VEPH1: variants seen among roughly 807,000 people sequenced by gnomAD.
VEPH1 encodes ventricular zone expressed PH domain containing 1, also known as ventricular zone-expressed PH domain-containing protein homolog 1.
Under a neutral mutation model 85.2 loss-of-function variants are expected in VEPH1, and 80 were observed. The observed-to-expected ratio is 0.94, with a 90% CI of 0.78 to 1.13. The LOEUF (loss-of-function observed/expected upper bound fraction) is 1.13, where lower values mean the gene tolerates loss of function less well. Ranked by LOEUF, VEPH1 falls within the 50% of genes most tolerant of loss-of-function variation. VEPH1 has a pLI of 0.00. For synonymous variants in VEPH1, 297 were observed against 348.0 expected, an observed-to-expected ratio of 0.85 and a Z score of 1.63; for missense variants, 955 against 980.5, an observed-to-expected ratio of 0.97 and a Z score of 0.35.
chr3:157,303,728 G>A (rs974165989), intron 11 of VEPH1, among the ~76,000 whole-genome samples: 2 of 151,890 alleles, frequency 1.3e-5, no homozygotes, highest in African/African-American at 4.8e-5. Flanking sequence ...TTAGCCCCTT[G>A]GTCTGGCTTC....
At chr3:157,290,570 C>T (rs1237130745) in intron 11 of VEPH1, among the ~76,000 whole-genome samples, 10 of 152,158 alleles carry the variant, frequency 6.6e-5, no homozygotes, top group Non-Finnish European at 1.5e-4. Flanking sequence ...AGAGGAGTCA[C>T]ATTCTCCCAA....
chr3:157,371,438 A>G (rs979205820), intron 7 of VEPH1, among the ~76,000 whole-genome samples: 2 of 152,194 alleles, frequency 1.3e-5, no homozygotes, highest in African/African-American at 4.8e-5. Flanking sequence ...AAGACACGGA[A>G]AAGGGATCAG....
At chr3:157,371,712 T>A (rs1426868811) in intron 7 of VEPH1, among the ~76,000 whole-genome samples, 5 of 152,200 alleles carry the variant, frequency 3.3e-5, no homozygotes, top group Non-Finnish European at 7.4e-5. Context: ...CTGCTGAGGG[T>A]TTCACTAATT....
chr3:157,419,819 T>G (rs1271130314), intron 5 of VEPH1, among the ~76,000 whole-genome samples: 1 of 152,210 alleles, frequency 6.6e-6, no homozygotes, highest in Admixed American at 6.5e-5. Context: ...ATCTCATTAG[T>G]GGGTATATAC....
chr3:157,437,665 C>G (rs772664941), intron 4 of VEPH1: 2 of 1,540,388 alleles, frequency 1.3e-6, no homozygotes, highest in African/African-American at 2.7e-5. Flanking sequence ...GCTGGGCCGG[C>G]TCGCGGAAAG....
chr3:157,382,764 G>C (rs1361921356), intron 6 of VEPH1, among the ~76,000 whole-genome samples: 35 of 152,172 alleles, frequency 2.3e-4, no homozygotes. Context: ...CTTCCATGCA[G>C]CTGTCTCCAG....
In VEPH1 at chr3:157,490,423, G is replaced by GA. The variant is rs140223345; in HGVS notation, c.138+4788dup. ...GATTTTAAGACTACAAAAGAAAAAA[G>GA]AAAAAAAAAACATAAACAGATACTT... On this transcript the variant is annotated intron_variant, in intron 2 of 13. Transcript: ENST00000362010. 8.1e-3 allele frequency among the ~76,000 whole-genome samples: 1,162 copies of GA among 144,086 alleles called. 15 individuals carry two copies. The highest frequency in any genetic ancestry group is 0.026 in the African/African-American group (1,035 of 39,366). 94.5% of individuals were successfully genotyped at this position (144,086 alleles called of 152,430 possible).
At chr3:157,310,239 C>A (rs536703506) in intron 11 of VEPH1, among the ~76,000 whole-genome samples, 87 of 152,260 alleles carry the variant, frequency 5.7e-4, no homozygotes, top group African/African-American at 1.9e-3. Context: ...TCTCAACCTC[C>A]CTTAATGTAT....
At chr3:157,459,766 G>C in intron 4 of VEPH1, 2 of 1,454,288 alleles carry the variant, frequency 1.4e-6, no homozygotes, top group Non-Finnish European at 1.8e-6. Flanking sequence ...ATTTTCTGAT[G>C]TATTTTATCT....
intron 2 of VEPH1, among the ~76,000 whole-genome samples, chr3:157,479,175 T>C (rs16827727): frequency 0.15 from 22,603 of 152,176 alleles, 2,160 homozygotes; most frequent in African/African-American, 0.25. Context: ...TATGTGTTTA[T>C]GTTTGGGCTC....
chr3:157,317,269 C>T, intron 9 of VEPH1, 68 bp from the exon 10 acceptor site: 1 of 1,395,346 alleles, frequency 7.2e-7, no homozygotes, highest in South Asian at 1.8e-5. Context: ...ATTGATACTT[C>T]AACACACAAA....
At chr3:157,369,196 A>AAAAAAAC (rs1271485207) in intron 7 of VEPH1, among the ~76,000 whole-genome samples, 11 of 147,808 alleles carry the variant, frequency 7.4e-5, no homozygotes, top group African/African-American at 2.7e-4. Context: ...AAAAAAAAAA[A>AAAAAAAC]AAAAAAAACC....
intron 4 of VEPH1, chr3:157,437,808 AGAG>A (rs1733748062): frequency 6.8e-7 from 1 of 1,461,852 alleles, no homozygotes. Context: ...CGCAGCGCCC[AGAG>A]GAGGCGGGGC....
chr3:157,297,477 C>A (rs1212650111), intron 11 of VEPH1, among the ~76,000 whole-genome samples: 3 of 151,978 alleles, frequency 2.0e-5, no homozygotes, highest in Non-Finnish European at 4.4e-5. Flanking sequence ...GAAAAATGTG[C>A]ATGGGTAATG....
intron 3 of VEPH1, among the ~76,000 whole-genome samples, chr3:157,463,420 G>T (rs1042625555): frequency 3.3e-5 from 5 of 152,144 alleles, no homozygotes; most frequent in African/African-American, 1.2e-4. Flanking sequence ...ATCCATCCTA[G>T]AGTTCTTAAC....
At chr3:157,271,929 C>T (rs1229410557) in intron 12 of VEPH1, among the ~76,000 whole-genome samples, 3 of 152,194 alleles carry the variant, frequency 2.0e-5, no homozygotes, top group Non-Finnish European at 4.4e-5. Flanking sequence ...GTTCAAGACA[C>T]TTTGGTAAGT....
At chr3:157,315,090 G>A (rs938540521) in intron 10 of VEPH1, among the ~76,000 whole-genome samples, 6 of 152,026 alleles carry the variant, frequency 3.9e-5, no homozygotes, top group Admixed American at 3.9e-4. Context: ...ATAAAATAAT[G>A]AGATTGGCTT....
chr3:157,271,775 A>G (rs1714584966), intron 12 of VEPH1, among the ~76,000 whole-genome samples: 1 of 152,194 alleles, frequency 6.6e-6, no homozygotes, highest in Non-Finnish European at 1.5e-5. Context: ...AGAGATGGAA[A>G]ACAGAAGCGA....
intron 4 of VEPH1, chr3:157,437,690 G>A: frequency 6.5e-7 from 1 of 1,533,480 alleles, no homozygotes. Context: ...GCGAGGCCGT[G>A]CGCGCCGGGG....
Sources: allele counts gnomAD v4.1 joint callset (sites outside exome capture counted in the v4.1 genomes callset), GRCh38; gene constraint gnomAD v4.1.1; transcripts MANE v1.5; gene names NCBI Gene and HGNC (gene_info 2026-07-23, HGNC 2026-07-21).